The following LIN54 variants were observed in gnomAD, a reference collection of about 807,000 sequenced individuals.
The protein encoded by LIN54 is protein lin-54 homolog.
LIN54 carries 9 observed loss-of-function variants against 78.7 expected under a neutral mutation model. The ratio of observed to expected loss-of-function variants is 0.11; its 90% CI spans 0.07 to 0.20. LIN54 has a LOEUF of 0.20. Ranked by LOEUF, LIN54 falls within the 10% of genes least tolerant of loss-of-function variation. LIN54 has a pLI of 1.00. For missense variants in LIN54, 573 were observed against 889.9 expected (o/e 0.64, Z 4.53); for synonymous variants, 269 against 318.4 (o/e 0.84, Z 1.65).
chr4:82,952,374 T>A (rs1046687880), intron 4 of LIN54, among the ~76,000 whole-genome samples: 2 of 152,198 alleles, frequency 1.3e-5, no homozygotes, highest in Non-Finnish European at 1.5e-5. Context: ...AAAATGGTGC[T>A]CAGCATTACT....
intron 4 of LIN54, among the ~76,000 whole-genome samples, chr4:82,969,124 G>A (rs1184289003): frequency 6.6e-6 from 1 of 152,166 alleles, no homozygotes; most frequent in African/African-American, 2.4e-5. Context: ...GCAAAAATCA[G>A]TGAGGCTTCC....
At chr4:82,972,338 C>A (rs1725733679) in intron 3 of LIN54, among the ~76,000 whole-genome samples, 1 of 151,912 alleles carries the variant, frequency 6.6e-6, no homozygotes, top group Non-Finnish European at 1.5e-5. Flanking sequence ...AAAGTATTTT[C>A]AATACAATTT....
chr4:82,940,050 T>C, intron 5 of LIN54, 88 bp from the exon 6 acceptor site: 1 of 894,546 alleles, frequency 1.1e-6, no homozygotes, highest in Non-Finnish European at 1.8e-6. Flanking sequence ...TCCCAAGTTA[T>C]TCTCATAAAA....
intron 4 of LIN54, among the ~76,000 whole-genome samples, chr4:82,955,786 G>T (rs1724277886): frequency 6.6e-6 from 1 of 151,840 alleles, no homozygotes; most frequent in Non-Finnish European, 1.5e-5. Flanking sequence ...AAGACTGTGC[G>T]TAAGTTTTTT....
At chr4:82,938,761 G>C (rs1053909434) in intron 7 of LIN54, among the ~76,000 whole-genome samples, 1 of 152,196 alleles carries the variant, frequency 6.6e-6, no homozygotes, top group Non-Finnish European at 1.5e-5. Flanking sequence ...AAGTATGTCG[G>C]AATGATAGGA....
intron 3 of LIN54, among the ~76,000 whole-genome samples, chr4:82,971,079 T>TG (rs1382183612): frequency 6.6e-6 from 1 of 152,152 alleles, no homozygotes; most frequent in Non-Finnish European, 1.5e-5. Context: ...TCTGGATGCT[T>TG]GGGGAACTGA....
intron 4 of LIN54, among the ~76,000 whole-genome samples, chr4:82,956,784 C>G (rs945188476): frequency 1.3e-5 from 2 of 151,692 alleles, no homozygotes; most frequent in East Asian, 1.9e-4. Context: ...AGGAGTCTTT[C>G]TTCTTTTTCT....
intron 11 of LIN54, 28 bp from the exon 12 acceptor site, chr4:82,931,173 C>T (rs186753326): frequency 1.3e-6 from 2 of 1,557,224 alleles, no homozygotes; most frequent in African/African-American, 1.4e-5. Flanking sequence ...GAAAAGTTTC[C>T]AAATCAAAAC....
chr4:82,986,406 C>T (rs1727138854), intron 1 of LIN54, among the ~76,000 whole-genome samples: 1 of 152,148 alleles, frequency 6.6e-6, no homozygotes, highest in African/African-American at 2.4e-5. Context: ...TGTGAGCCAC[C>T]ATGCCCGGCC....
chr4:83,000,828 T>TTTTTTTCTTTTTTC lies in LIN54; in HGVS notation c.-33+9655_-33+9656insGAAAAAAGAAAAAA, dbSNP rs1319323035. ...CCATCAAGCCCAAAGCAATAAATTC[T>TTTTTTTCTTTTTTC]TTTTTTTTTTTTGGAGATAGAGTCC... On this transcript the variant is annotated intron_variant, in intron 1 of 12. Coordinates refer to ENST00000340417, the MANE Select transcript of LIN54 (RefSeq NM_194282.4). Among the ~76,000 whole-genome samples the TTTTTTTCTTTTTTC allele has an allele frequency of 3.0e-3, 8 of 2,700 alleles. No individual in the cohort carries two copies. The South Asian group carries it at 0.12, about 40-fold the overall frequency. 1.8% of individuals were successfully genotyped at this position (2,700 alleles called of 152,430 possible).
intron 3 of LIN54, 43 bp downstream of exon 3, chr4:82,978,840 G>A (rs1726383117): frequency 2.4e-6 from 3 of 1,246,796 alleles, no homozygotes; most frequent in Non-Finnish European, 3.4e-6. Flanking sequence ...AAATCTAAAA[G>A]GAAGATAAAT....
chr4:82,929,978 A>T (rs1721815956), intron 12 of LIN54, among the ~76,000 whole-genome samples: 1 of 151,814 alleles, frequency 6.6e-6, no homozygotes, highest in South Asian at 2.1e-4. Context: ...GCTCACTGCA[A>T]CCTCTGCCTC....
intron 1 of LIN54, among the ~76,000 whole-genome samples, chr4:82,993,669 G>A (rs1421677681): frequency 6.6e-6 from 1 of 151,966 alleles, no homozygotes; most frequent in African/African-American, 2.4e-5. Flanking sequence ...CCAGGCTGGA[G>A]TGCAGTGGTG....
chr4:82,959,172 A>G (rs1724586105), intron 4 of LIN54, among the ~76,000 whole-genome samples: 1 of 152,210 alleles, frequency 6.6e-6, no homozygotes, highest in Non-Finnish European at 1.5e-5. Flanking sequence ...AACAAAAAAA[A>G]GGACGTAAAT....
chr4:82,935,435 C>G (rs1722323584), intron 11 of LIN54, among the ~76,000 whole-genome samples: 1 of 151,734 alleles, frequency 6.6e-6, no homozygotes, highest in South Asian at 2.1e-4. Context: ...ATTACAGGCA[C>G]CTGCCACCAT....
Position 82,970,348 on chromosome 4 carries a change from T to C in LIN54, c.930A>G (p.Ser310=). Residue 310 remains serine (S), a synonymous_variant, in exon 4 of 13, where the codon TCA becomes TCG. Coordinates refer to ENST00000340417, the MANE Select transcript of LIN54 (RefSeq NM_194282.4). The part of the protein sequence containing the change: ...TTQTPNKIAI[S]PLKSPNKAVK... ...TTACCTTATTTGGCGATTTCAAAGG[T>C]GAGATGGCTATTTTATTTGGTGTCT... 4 of 1,609,480 alleles carry C rather than the reference T, an allele frequency of 2.5e-6. No individual in the cohort carries two copies. The highest frequency in any genetic ancestry group is 3.4e-6 in the Non-Finnish European group (4 of 1,178,676).
intron 1 of LIN54, among the ~76,000 whole-genome samples, chr4:83,000,546 C>T (rs551457716): frequency 6.6e-6 from 1 of 152,234 alleles, no homozygotes; most frequent in East Asian, 1.9e-4. Context: ...TTTAAAATTC[C>T]TTTGATATTG....
chr4:82,949,102 T>C (rs1723640340), intron 4 of LIN54, among the ~76,000 whole-genome samples: 1 of 152,184 alleles, frequency 6.6e-6, no homozygotes, highest in Non-Finnish European at 1.5e-5. Context: ...CTGTTTTCCA[T>C]AATGGCTGCA....
At chr4:82,979,618 T>C (rs1297987755) in intron 2 of LIN54, among the ~76,000 whole-genome samples, 2 of 152,004 alleles carry the variant, frequency 1.3e-5, no homozygotes, top group Non-Finnish European at 2.9e-5. Flanking sequence ...TACTAAACTA[T>C]TATGTACTAC....
Sources: gnomAD v4.1 joint callset for allele counts (sites outside exome capture counted in the v4.1 genomes callset) on GRCh38, gnomAD v4.1.1 for gene constraint, MANE v1.5 for transcripts, NCBI Gene and HGNC (gene_info 2026-07-23, HGNC 2026-07-21) for gene names.